The following GABRG1 variants were observed in gnomAD, a reference collection of about 807,000 sequenced individuals.
The protein encoded by GABRG1 is gamma-aminobutyric acid type A receptor subunit gamma1.
Under a neutral mutation model 49.8 loss-of-function variants are expected in GABRG1, and 49 were observed. The observed-to-expected ratio is 0.98, with a 90% CI of 0.78 to 1.25. GABRG1 has a LOEUF of 1.25. GABRG1 is among the 50% of genes most tolerant of loss of function. GABRG1 has a pLI of 0.00. For synonymous variants in GABRG1, 232 were observed against 185.1 expected (o/e 1.25, Z -2.06); for missense variants, 552 against 552.3 (o/e 1.00, Z 0.01).
chr4:46,116,066 G>A (rs1199591152), intron 1 of GABRG1, among the ~76,000 whole-genome samples: 1 of 150,634 alleles, frequency 6.6e-6, no homozygotes. Context: ...AGTATAGCTT[G>A]CCAACTTTTA....
chr4:46,061,729 G>C (rs1384236158), intron 5 of GABRG1, among the ~76,000 whole-genome samples: 1 of 149,954 alleles, frequency 6.7e-6, no homozygotes. Context: ...CAGTAGGAAA[G>C]TAAACCACCA....
At chr4:46,103,160 C>G (rs906135034) in intron 1 of GABRG1, among the ~76,000 whole-genome samples, 2 of 151,392 alleles carry the variant, frequency 1.3e-5, no homozygotes, top group African/African-American at 4.8e-5. Context: ...TGTTAAGAAA[C>G]CAGAGATGAA....
At chr4:46,090,098 G>A (rs1419938742) in intron 2 of GABRG1, among the ~76,000 whole-genome samples, 1 of 152,034 alleles carries the variant, frequency 6.6e-6, no homozygotes, top group Non-Finnish European at 1.5e-5. Flanking sequence ...AGTTTTCATA[G>A]CATCACCAAA....
chr4:46,108,396 A>G (rs998678225), intron 1 of GABRG1, among the ~76,000 whole-genome samples: 1 of 151,102 alleles, frequency 6.6e-6, no homozygotes. Flanking sequence ...TTCAATTCAC[A>G]TTTGCTTTGC....
At chr4:46,085,081 T>C (rs1258758946) in intron 2 of GABRG1, among the ~76,000 whole-genome samples, 3 of 151,512 alleles carry the variant, frequency 2.0e-5, no homozygotes, top group Non-Finnish European at 4.4e-5. Context: ...TCTTATATAA[T>C]AAGAGATTTT....
intron 1 of GABRG1, among the ~76,000 whole-genome samples, chr4:46,111,178 C>G (rs1405307462): frequency 6.6e-6 from 1 of 150,968 alleles, no homozygotes; most frequent in Non-Finnish European, 1.5e-5. Context: ...ATGTTTAAAA[C>G]TCAGTAGAAT....
At position 46,083,899 on chromosome 4, in the gene GABRG1, A is replaced by G. The variant is rs187732073; in HGVS notation, c.321+87T>C. On this transcript the variant is annotated intron_variant, in intron 3 of 8. Transcript: ENST00000295452. The stretch of plus-strand genomic sequence containing the variant: ...TCTGAATTCATTCAGAATTAACTAT[A>G]AAAAATTACTCACATGCGAATTCTA... 1.2e-5 allele frequency: 9 copies of G among 760,170 alleles called. No individual in the cohort carries two copies. The Admixed American group carries it at 2.0e-4, about 17-fold the overall frequency. 47.1% of individuals were successfully genotyped at this position (760,170 alleles called of 1,614,324 possible). A position where few individuals can be genotyped will look rare whatever the true frequency, so the allele number is the denominator to read the frequency against.
intron 1 of GABRG1, among the ~76,000 whole-genome samples, chr4:46,103,896 T>G (rs1720457507): frequency 6.6e-6 from 1 of 151,314 alleles, no homozygotes; most frequent in South Asian, 2.1e-4. Context: ...TTATATATTT[T>G]TATATAGCAA....
rs1720770188 is a variant in GABRG1, at chr4:46,112,999, C to A, written c.104+10811G>T. The stretch of plus-strand genomic sequence containing the variant: ...AAGGCCCCCACATTATGGTCTTCCA[C>A]TTCAAATTCTTATCTCCCCAACCCT... On this transcript the variant is annotated intron_variant, in intron 1 of 8. Coordinates refer to ENST00000295452, the MANE Select transcript of GABRG1 (RefSeq NM_173536.4). Among the ~76,000 whole-genome samples, 3 of 151,030 alleles carry A rather than the reference C, an allele frequency of 2.0e-5. No homozygotes were observed. In the Admixed American group the frequency reaches 2.0e-4, roughly 10 times the overall value.
chr4:46,076,666 T>G (rs1239036053), intron 3 of GABRG1, among the ~76,000 whole-genome samples: 1 of 151,464 alleles, frequency 6.6e-6, no homozygotes, highest in Non-Finnish European at 1.5e-5. Flanking sequence ...TGTCAGAACA[T>G]TGCCCACAAA....
chr4:46,051,048 G>A (rs1278526371), intron 8 of GABRG1, among the ~76,000 whole-genome samples: 1 of 151,824 alleles, frequency 6.6e-6, no homozygotes, highest in Non-Finnish European at 1.5e-5. Context: ...TTTAAACACA[G>A]TTGGACACTA....
chr4:46,066,263 A>G (rs1718917335), intron 3 of GABRG1, among the ~76,000 whole-genome samples: 1 of 152,172 alleles, frequency 6.6e-6, no homozygotes, highest in African/African-American at 2.4e-5. Context: ...GCAAAAAACA[A>G]CCAAATTTTT....
At chr4:46,123,196 AT>A (rs201629750) in intron 1 of GABRG1, among the ~76,000 whole-genome samples, 22 of 143,898 alleles carry the variant, frequency 1.5e-4, no homozygotes, top group African/African-American at 6.2e-4. Flanking sequence ...TGGACAGCCA[AT>A]TTTAAAAAAA....
At chr4:46,102,100 A>T (rs557863512) in intron 1 of GABRG1, among the ~76,000 whole-genome samples, 1 of 151,814 alleles carries the variant, frequency 6.6e-6, no homozygotes, top group African/African-American at 2.4e-5. Context: ...TAACGCTCTG[A>T]AATAAATTTC....
At chr4:46,051,726 TAAAC>T (rs1718231364) in intron 7 of GABRG1, 88 bp from the exon 8 acceptor site, 3 of 767,732 alleles carry the variant, frequency 3.9e-6, no homozygotes, top group Non-Finnish European at 6.3e-6. Context: ...TGAGTGAAAT[TAAAC>T]AATAGAAACA....
intron 2 of GABRG1, among the ~76,000 whole-genome samples, chr4:46,095,699 C>T (rs542598074): frequency 1.1e-4 from 16 of 151,776 alleles, no homozygotes; most frequent in Non-Finnish European, 1.9e-4. Flanking sequence ...CTATGTCCTT[C>T]AAGTTTCAAA....
At chr4:46,065,328 A>T (rs781200841) in intron 4 of GABRG1, 36 bp downstream of exon 4, 2 of 1,368,190 alleles carry the variant, frequency 1.5e-6, no homozygotes, top group Non-Finnish European at 2.0e-6. Context: ...ATGGAAAATA[A>T]ATGAGAGCAA....
rs76162615 is a variant in GABRG1 at position 46,051,647 on chromosome 4, A to T, written c.917-9T>A. The T allele has an allele frequency of 3.3e-6, 5 of 1,508,376 alleles. No individual in the cohort carries two copies. The highest frequency in any genetic ancestry group is 3.8e-5 in the Admixed American group (2 of 52,766). The allele number at this position is 1,508,376 out of a possible 1,614,324, so 93.4% of individuals were successfully genotyped here. A position where few individuals can be genotyped will look rare whatever the true frequency, so the allele number is the denominator to read the frequency against. On this transcript the variant is annotated splice_polypyrimidine_tract_variant and intron_variant, in intron 7 of 8. Transcript: ENST00000295452. ...CAGAACTGTAGTGATACCTATAGAG[A>T]GAGGAAACAAAACAGGAAATGAAAA...
In GABRG1 at chr4:46,124,028, A is replaced by C. The variant is rs1577677249; in HGVS notation, c.-115T>G. The C allele has an allele frequency of 2.8e-6, 2 of 722,010 alleles. No homozygotes were observed. Among genetic ancestry groups the C allele is most frequent in the Non-Finnish European group, 2.4e-6 (1 of 419,544 alleles). 44.7% of individuals were successfully genotyped at this position (722,010 alleles called of 1,614,324 possible). On this transcript the variant is annotated 5_prime_UTR_variant, in exon 1 of 9. Coordinates refer to ENST00000295452, the MANE Select transcript of GABRG1 (RefSeq NM_173536.4). Reference sequence around the variant, plus strand: ...AAGGGAGAGTGTGGAAAGGCAGTGCACCTCCCAAACAGGTAGGATGCGACT... The same window carrying C: ...AAGGGAGAGTGTGGAAAGGCAGTGCCCCTCCCAAACAGGTAGGATGCGACT...
Sources: allele counts gnomAD v4.1 joint callset (sites outside exome capture counted in the v4.1 genomes callset), GRCh38; gene constraint gnomAD v4.1.1; transcripts MANE v1.5; gene names NCBI Gene and HGNC (gene_info 2026-07-23, HGNC 2026-07-21).